TTC39C: variants seen among roughly 807,000 people sequenced by gnomAD.
The protein encoded by TTC39C is tetratricopeptide repeat domain 39C.
TTC39C carries 33 observed loss-of-function variants against 76.3 expected under a neutral mutation model. The ratio of observed to expected loss-of-function variants is 0.43; its 90% CI spans 0.33 to 0.58. TTC39C has a LOEUF of 0.58. Among genes scored for constraint, TTC39C ranks in the 20% least tolerant of loss-of-function variants. TTC39C has a pLI of 0.04. For synonymous variants in TTC39C, 254 were observed against 260.6 expected (o/e 0.97, Z 0.24); for missense variants, 595 against 701.4 (o/e 0.85, Z 1.71).
At chr18:24,123,153 C>T (rs1345968710) in intron 8 of TTC39C, among the ~76,000 whole-genome samples, 2 of 152,150 alleles carry the variant, frequency 1.3e-5, no homozygotes, top group Non-Finnish European at 2.9e-5. Context: ...CCTCGGGGCT[C>T]TTCATTGTTC....
At chr18:24,068,881 G>A (rs977856469) in intron 3 of TTC39C, among the ~76,000 whole-genome samples, 3 of 152,166 alleles carry the variant, frequency 2.0e-5, no homozygotes, top group Admixed American at 6.5e-5. Context: ...GTGAAACTCC[G>A]AGGTTTTTTG....
At chr18:24,031,528 A>C (rs1356230201) in intron 1 of TTC39C, among the ~76,000 whole-genome samples, 1 of 152,054 alleles carries the variant, frequency 6.6e-6, no homozygotes, top group Non-Finnish European at 1.5e-5. Context: ...GGCTCTTGGC[A>C]CCTCTCTCAC....
chr18:24,082,058 C>A (rs1262859908), intron 5 of TTC39C, among the ~76,000 whole-genome samples: 2 of 139,028 alleles, frequency 1.4e-5, no homozygotes, highest in East Asian at 4.2e-4. Flanking sequence ...TGCTCTGTAG[C>A]CCAGGGTGGA....
chr18:24,036,502 G>A (rs1034736653), intron 1 of TTC39C, among the ~76,000 whole-genome samples: 3 of 152,080 alleles, frequency 2.0e-5, no homozygotes, highest in African/African-American at 7.2e-5. Flanking sequence ...CTTTCTTAAT[G>A]TTTTGAATTA....
At chr18:24,023,979 TAC>T (rs1568408989) in intron 1 of TTC39C, among the ~76,000 whole-genome samples, 888 of 9,796 alleles carry the variant, frequency 0.091, 87 homozygotes, top group Non-Finnish European at 0.14. Flanking sequence ...TATATATATA[TAC>T]ATATATATAT....
intron 1 of TTC39C, among the ~76,000 whole-genome samples, chr18:23,993,407 A>C (rs2083235131): frequency 6.6e-6 from 1 of 152,242 alleles, no homozygotes; most frequent in Non-Finnish European, 1.5e-5. Flanking sequence ...CAAAATGTCC[A>C]CACACAGATG....
intron 6 of TTC39C, among the ~76,000 whole-genome samples, chr18:24,107,308 C>A (rs987311796): frequency 1.4e-5 from 2 of 146,332 alleles, no homozygotes; most frequent in African/African-American, 5.0e-5. Flanking sequence ...CACACACACA[C>A]ACGCACGCAT....
intron 1 of TTC39C, chr18:24,000,619 CA>C (rs2145625425): frequency 6.6e-6 from 1 of 152,344 alleles, no homozygotes; most frequent in South Asian, 2.1e-4. Flanking sequence ...TGAACTTTTG[CA>C]GATTGCTAAG....
At chr18:24,130,872 TA>T (rs2085118825) in intron 12 of TTC39C, among the ~76,000 whole-genome samples, 1 of 151,638 alleles carries the variant, frequency 6.6e-6, no homozygotes, top group Non-Finnish European at 1.5e-5. Context: ...AAAAGTATAG[TA>T]AAAATACAGT....
chr18:24,088,838 C>T (rs2084480346), intron 6 of TTC39C, among the ~76,000 whole-genome samples: 1 of 152,206 alleles, frequency 6.6e-6, no homozygotes, highest in Non-Finnish European at 1.5e-5. Flanking sequence ...CTACGAAGCT[C>T]TGTGTGAAAG....
intron 1 of TTC39C, among the ~76,000 whole-genome samples, chr18:24,036,820 T>C (rs1237451460): frequency 3.3e-5 from 5 of 151,848 alleles, no homozygotes; most frequent in South Asian, 2.1e-4. Context: ...TTTTGTAGAG[T>C]TGGGGTCTTG....
intron 4 of TTC39C, among the ~76,000 whole-genome samples, chr18:24,077,939 T>C (rs2084326535): frequency 6.6e-6 from 1 of 152,196 alleles, no homozygotes; most frequent in Non-Finnish European, 1.5e-5. Flanking sequence ...TTTCCTACAG[T>C]GCTTCCCTTT....
At position 24,049,397 on chromosome 18, in the gene TTC39C, A is replaced by T. The variant is rs529309942; in HGVS notation, c.168-14743A>T. ...AAATGGGAACAATTTCACCTATCTC[A>T]TAGCCACCTGAAATAGCTCAGCATA... is the stretch of plus-strand genomic sequence containing the variant. On this transcript the variant is annotated intron_variant, in intron 1 of 13. Coordinates refer to ENST00000317571, the MANE Select transcript of TTC39C (RefSeq NM_001135993.2). Among the ~76,000 whole-genome samples, 4 of 152,284 alleles carry T rather than the reference A, an allele frequency of 2.6e-5. No homozygotes were observed. The East Asian group carries it at 7.7e-4, about 29-fold the overall frequency.
At chr18:24,023,984 A>C (rs1420406813) in intron 1 of TTC39C, among the ~76,000 whole-genome samples, 97 of 5,704 alleles carry the variant, frequency 0.017, 6 homozygotes, top group Admixed American at 0.047. Flanking sequence ...ATATATACAT[A>C]TATATATATA....
intron 6 of TTC39C, among the ~76,000 whole-genome samples, chr18:24,110,228 A>G (rs2084793338): frequency 6.6e-6 from 1 of 152,252 alleles, no homozygotes; most frequent in South Asian, 2.1e-4. Flanking sequence ...CTCAATCCAG[A>G]TTAAAAAGAA....
At chr18:24,052,178 C>CA (rs1242922273) in intron 1 of TTC39C, among the ~76,000 whole-genome samples, 3 of 152,088 alleles carry the variant, frequency 2.0e-5, no homozygotes, top group Non-Finnish European at 2.9e-5. Context: ...CATTTGTCCA[C>CA]AAAAAATATG....
intron 4 of TTC39C, among the ~76,000 whole-genome samples, chr18:24,071,379 A>G (rs1295610046): frequency 1.3e-5 from 2 of 152,238 alleles, no homozygotes; most frequent in African/African-American, 4.8e-5. Context: ...GAATTATCAG[A>G]TAATAGTATT....
intron 1 of TTC39C, among the ~76,000 whole-genome samples, chr18:24,062,916 G>C (rs1430737211): frequency 1.3e-5 from 2 of 152,182 alleles, no homozygotes; most frequent in African/African-American, 4.8e-5. Context: ...AGGCATATGT[G>C]TGTGTATACA....
At chr18:23,999,411 G>A (rs1045910678) in intron 1 of TTC39C, among the ~76,000 whole-genome samples, 3 of 152,196 alleles carry the variant, frequency 2.0e-5, no homozygotes, top group Non-Finnish European at 2.9e-5. Context: ...ACCACACTTC[G>A]AAATCGTCAC....
Sources: allele counts gnomAD v4.1 joint callset (sites outside exome capture counted in the v4.1 genomes callset), GRCh38; gene constraint gnomAD v4.1.1; transcripts MANE v1.5; gene names NCBI Gene and HGNC (gene_info 2026-07-23, HGNC 2026-07-21).